CEACAM21: variants seen among roughly 807,000 people sequenced by gnomAD.
The protein encoded by CEACAM21 is cell adhesion molecule CEACAM21.
A neutral mutation model predicts 33.2 loss-of-function variants in CEACAM21; 38 were observed. The ratio of observed to expected loss-of-function variants is 1.14; its 90% CI spans 0.88 to 1.50. The LOEUF is 1.50. Among genes scored for constraint, CEACAM21 ranks in the 40% most tolerant of loss-of-function variants. CEACAM21 has a pLI of 0.00. For missense variants in CEACAM21, 385 were observed against 364.6 expected (o/e 1.06, Z -0.46); for synonymous variants, 156 against 143.0 (o/e 1.09, Z -0.65).
At chr19:41,561,616 C>T (rs2041887220) in intron 1 of CEACAM21, among the ~76,000 whole-genome samples, 2 of 152,194 alleles carry the variant, frequency 1.3e-5, no homozygotes, top group African/African-American at 4.8e-5. Context: ...CAACAAAGAA[C>T]CCTGAAGAAG....
At chr19:41,585,368 T>C in intron 4 of CEACAM21, 75 bp from the exon 5 acceptor site, 4 of 1,498,324 alleles carry the variant, frequency 2.7e-6, no homozygotes, top group Non-Finnish European at 3.7e-6. Flanking sequence ...TAGGCTCCTT[T>C]CCTGGTCCCC....
chr19:41,576,923 G>A (rs782361004), intron 1 of CEACAM21, among the ~76,000 whole-genome samples: 3 of 152,188 alleles, frequency 2.0e-5, no homozygotes, highest in East Asian at 3.9e-4. Context: ...GAGGCTTCAC[G>A]AAAGAAGTCT....
In CEACAM21 at chr19:41,576,172, GAAGGA is replaced by G; in HGVS notation, c.-101_-97del. On this transcript the variant is annotated 5_prime_UTR_variant, in exon 1 of 7. Coordinates refer to ENST00000401445, the MANE Select transcript of CEACAM21 (RefSeq NM_001098506.4). ...GCCTGAGAGGAAGCTCAGCATAGAGGAAGGAAGGACAGCAGAGACAACAGTCACAG... is the reference window on the plus strand; with the variant it reads ...GCCTGAGAGGAAGCTCAGCATAGAGGAGGACAGCAGAGACAACAGTCACAG... 1 of 1,379,800 alleles carries G rather than the reference GAAGGA, an allele frequency of 7.2e-7. No homozygotes were observed. Among genetic ancestry groups the G allele is most frequent in the Non-Finnish European group, 1.0e-6 (1 of 981,138 alleles). 85.5% of individuals were successfully genotyped at this position (1,379,800 alleles called of 1,614,324 possible). A position where few individuals can be genotyped will look rare whatever the true frequency, so the allele number is the denominator to read the frequency against.
At chr19:41,563,399 A>G (rs1234644961) in intron 1 of CEACAM21, among the ~76,000 whole-genome samples, 1 of 152,130 alleles carries the variant, frequency 6.6e-6, no homozygotes, top group Non-Finnish European at 1.5e-5. Flanking sequence ...CTGAAATCCC[A>G]TCCCAGCCAG....
At chr19:41,576,131 A>G, upstream of CEACAM21, 1 of 905,864 alleles carries the variant, frequency 1.1e-6, no homozygotes, top group Middle Eastern at 2.7e-4. Context: ...CTTGCCCATA[A>G]ACGGGAAGTG....
intron 1 of CEACAM21, among the ~76,000 whole-genome samples, chr19:41,556,600 C>A (rs1310291751): frequency 6.6e-6 from 1 of 152,068 alleles, no homozygotes; most frequent in African/African-American, 2.4e-5. Context: ...CTTTTTTTTA[C>A]CAAAGGTAAT....
At position 41,585,436 on chromosome 19, in the gene CEACAM21, T is replaced by C. The variant is rs1452896002; in HGVS notation, c.798-7T>C. 1.9e-6 allele frequency: 3 copies of C among 1,613,798 alleles called. No individual in the cohort carries two copies. Among genetic ancestry groups the C allele is most frequent in the Non-Finnish European group, 2.5e-6 (3 of 1,179,786 alleles). ...GCACCTTCACAAATAACCCTGACCTTTCCTAGGGCCAGCGATCAGAGTGAC... is the reference window on the plus strand; with the variant it reads ...GCACCTTCACAAATAACCCTGACCTCTCCTAGGGCCAGCGATCAGAGTGAC... On this transcript the variant is annotated splice_region_variant and splice_polypyrimidine_tract_variant and intron_variant, in intron 4 of 6. Coordinates refer to ENST00000401445, the MANE Select transcript of CEACAM21 (RefSeq NM_001098506.4).
At chr19:41,550,117 AT>A (rs1460210972) in intron 1 of CEACAM21, 2 of 152,238 alleles carry the variant, frequency 1.3e-5, no homozygotes, top group Non-Finnish European at 2.9e-5. Flanking sequence ...AAACAAAATA[AT>A]TTCATTTTTA....
chr19:41,552,210 A>G (rs2041254261), intron 1 of CEACAM21: 1 of 152,140 alleles, frequency 6.6e-6, no homozygotes, highest in African/African-American at 2.4e-5. Context: ...GCCTCAGTAC[A>G]TTTACTTAAA....
intron 1 of CEACAM21, among the ~76,000 whole-genome samples, chr19:41,560,861 C>T (rs2041840119): frequency 6.6e-6 from 1 of 152,168 alleles, no homozygotes; most frequent in Non-Finnish European, 1.5e-5. Flanking sequence ...CAAAATGCTA[C>T]AGAAAGCATG....
intron 4 of CEACAM21, 93 bp from the exon 5 acceptor site, chr19:41,585,350 C>G (rs1433035691): frequency 7.3e-7 from 1 of 1,369,618 alleles, no homozygotes; most frequent in African/African-American, 1.4e-5. Context: ...CCATACCCCT[C>G]TTGGAAATAG....
chr19:41,567,737 G>T (rs1378790191), intron 2 of CEACAM21, among the ~76,000 whole-genome samples: 2 of 152,184 alleles, frequency 1.3e-5, no homozygotes, highest in African/African-American at 4.8e-5. Context: ...TCATTGTAAA[G>T]TCAGCCAGAA....
At chr19:41,564,910 C>G (rs2042150659) in exon 2 of CEACAM21, 1 of 152,300 alleles carries the variant, frequency 6.6e-6, no homozygotes, top group African/African-American at 2.4e-5. Flanking sequence ...GAGGTCCTCA[C>G]GGCGCTCCGT....
intron 1 of CEACAM21, among the ~76,000 whole-genome samples, chr19:41,557,305 C>T (rs7251994): frequency 0.093 from 14,105 of 152,128 alleles, 1,281 homozygotes; most frequent in East Asian, 0.34. Context: ...AGACCCGTTA[C>T]TCTGTGGCGT....
At chr19:41,552,448 G>T (rs1434672373) in intron 1 of CEACAM21, among the ~76,000 whole-genome samples, 1 of 152,168 alleles carries the variant, frequency 6.6e-6, no homozygotes, top group Non-Finnish European at 1.5e-5. Context: ...TAAAACCCTT[G>T]GTGGGCTTTT....
chr19:41,572,014 A>G (rs2042644646), upstream of CEACAM21, among the ~76,000 whole-genome samples: 1 of 151,426 alleles, frequency 6.6e-6, no homozygotes, highest in Non-Finnish European at 1.5e-5. Flanking sequence ...TCTCTACTCT[A>G]TGTACAGGAA....
chr19:41,577,322 T>C lies in CEACAM21; in HGVS notation c.187T>C (p.Tyr63His). 3.1e-6 allele frequency: 5 copies of C among 1,614,112 alleles called. No individual in the cohort carries two copies. Among genetic ancestry groups the C allele is most frequent in the Non-Finnish European group, 4.2e-6 (5 of 1,179,976 alleles). The change falls in exon 2 of 7, where the codon TAC becomes CAC. Residue 63 changes from tyrosine to histidine, a missense_variant. Coordinates refer to ENST00000401445, the MANE Select transcript of CEACAM21 (RefSeq NM_001098506.4). ...TGTGGTTTATCTGCCCGAGAATCTT[T>C]ACAGCTATGGCTGGTACAAAGGGAA... ...LSVVYLPENL[Y>H]SYGWYKGKTV...
In CEACAM21 at chr19:41,579,534, C is replaced by A; in HGVS notation, c.606C>A (p.Asp202Glu). The change falls in exon 3 of 7, where the codon GAC (aspartate) becomes GAA (glutamate). Residue 202 changes from aspartate to glutamate, a missense_variant. By Grantham distance (45) the Asp-to-Glu change is conservative. Transcript: ENST00000401445. ...GGTTTAACCATGTGCTCACCATAGA[C>A]CCCATCAGGCAGGAGGACGCTGGGG... The part of the protein sequence containing the change: ...LSWFNHVLTI[D>E]PIRQEDAGEY... 1.2e-6 allele frequency: 2 copies of A among 1,613,002 alleles called. No individual in the cohort carries two copies. Among genetic ancestry groups the A allele is most frequent in the South Asian group, 1.1e-5 (1 of 90,922 alleles).
At chr19:41,552,046 T>C (rs1555784519) in intron 1 of CEACAM21, 1 of 152,170 alleles carries the variant, frequency 6.6e-6, no homozygotes, top group Non-Finnish European at 1.5e-5. Flanking sequence ...CCAGAAAATA[T>C]CTCCAGACCA....
Sources: gnomAD v4.1 joint callset for allele counts (sites outside exome capture counted in the v4.1 genomes callset) on GRCh38, gnomAD v4.1.1 for gene constraint, MANE v1.5 for transcripts, NCBI Gene and HGNC (gene_info 2026-07-23, HGNC 2026-07-21) for gene names.